The following ZNF704 variants were observed in gnomAD, a reference collection of about 807,000 sequenced individuals.
ZNF704 encodes zinc finger protein 704.
In ZNF704, 10 loss-of-function variants were observed where a neutral mutation model predicts 44.7. The observed-to-expected ratio is 0.22, with a 90% CI of 0.14 to 0.38. The LOEUF is 0.38. Among genes scored for constraint, ZNF704 ranks in the 10% least tolerant of loss-of-function variants. The pLI, the probability that ZNF704 is intolerant of heterozygous loss-of-function variation, is 1.00. For synonymous variants in ZNF704, 211 were observed against 207.6 expected, an observed-to-expected ratio of 1.02 and a Z score of -0.14; for missense variants, 390 against 545.5, an observed-to-expected ratio of 0.71 and a Z score of 2.84.
At chr8:80,731,554 T>A (rs1197003759) in intron 2 of ZNF704, among the ~76,000 whole-genome samples, 1 of 152,234 alleles carries the variant, frequency 6.6e-6, no homozygotes, top group Non-Finnish European at 1.5e-5. Context: ...ACTTTCTATA[T>A]GTATGAAAGA....
chr8:80,830,508 T>A (rs1243242137), intron 1 of ZNF704, among the ~76,000 whole-genome samples: 1 of 152,060 alleles, frequency 6.6e-6, no homozygotes, highest in East Asian at 1.9e-4. Flanking sequence ...ATGAGAGAAC[T>A]TTTTGGGGTG....
At chr8:80,880,595 A>G in the ZNF704 span, among the ~76,000 whole-genome samples, 1 of 152,316 alleles carries the variant, frequency 6.6e-6, no homozygotes, top group Admixed American at 6.5e-5. Flanking sequence ...TCTTTTGCAC[A>G]TGGTGGTATA....
rs552134092 is a variant in ZNF704, at chr8:80,776,374, T to C, written c.221+45000A>G. Among the ~76,000 whole-genome samples, 6 of 152,356 alleles carry C rather than the reference T, an allele frequency of 3.9e-5. No individual in the cohort carries two copies. In the East Asian group the frequency reaches 1.2e-3, roughly 29 times the overall value. On this transcript the variant is annotated intron_variant, in intron 2 of 8. Coordinates refer to ENST00000327835, the MANE Select transcript of ZNF704 (RefSeq NM_001033723.3). ...CATGTCTGCACCCTCTCCAGCAAGTTACTCTTATTTTTTAAAGGCAATTTT... is the reference window on the plus strand; with the variant it reads ...CATGTCTGCACCCTCTCCAGCAAGTCACTCTTATTTTTTAAAGGCAATTTT...
rs1817561050 is a variant in ZNF704, at chr8:80,630,176, A to G, written c.*11190T>C. ...TACAAAATACATGCTACTCTTTGAA[A>G]ATGCATAGTTTATAATTTTATACAT... On this transcript the variant is annotated 3_prime_UTR_variant, in exon 9 of 9. Transcript: ENST00000327835. 1 of 152,236 alleles carries G rather than the reference A, an allele frequency of 6.6e-6. No homozygotes were observed. Among genetic ancestry groups the G allele is most frequent in the African/African-American group, 2.4e-5 (1 of 41,450 alleles). The allele number at this position is 152,236 out of a possible 1,614,324, so 9.4% of individuals were successfully genotyped here. A position where few individuals can be genotyped will look rare whatever the true frequency, so the allele number is the denominator to read the frequency against.
At chr8:80,645,296 G>A in intron 7 of ZNF704, 1 of 915,608 alleles carries the variant, frequency 1.1e-6, no homozygotes, top group Non-Finnish European at 1.7e-6. Flanking sequence ...AAAAACCTAG[G>A]AGCCAACGTG....
At chr8:80,799,316 G>A (rs1411522335) in intron 2 of ZNF704, among the ~76,000 whole-genome samples, 1 of 152,170 alleles carries the variant, frequency 6.6e-6, no homozygotes, top group Non-Finnish European at 1.5e-5. Context: ...GTCATAAATT[G>A]TTTTATAATT....
chr8:80,692,141 C>T (rs1438496999), intron 3 of ZNF704, among the ~76,000 whole-genome samples: 4 of 152,174 alleles, frequency 2.6e-5, no homozygotes, highest in Admixed American at 6.5e-5. Context: ...ATGACCCCTC[C>T]TGATAGGTCT....
At chr8:80,711,630 T>C (rs368019381) in intron 2 of ZNF704, among the ~76,000 whole-genome samples, 2 of 152,062 alleles carry the variant, frequency 1.3e-5, no homozygotes, top group Non-Finnish European at 2.9e-5. Context: ...AGAACACCAG[T>C]GTGACTGTTT....
At chr8:80,668,296 G>A (rs1796417250) in intron 5 of ZNF704, among the ~76,000 whole-genome samples, 1 of 152,190 alleles carries the variant, frequency 6.6e-6, no homozygotes, top group East Asian at 1.9e-4. Flanking sequence ...AATGAGCCCT[G>A]CATAGAATCT....
chr8:80,859,374 C>T (rs1809020596), intron 1 of ZNF704, among the ~76,000 whole-genome samples: 1 of 152,126 alleles, frequency 6.6e-6, no homozygotes, highest in Non-Finnish European at 1.5e-5. Context: ...CTAATATGGC[C>T]ACTATTGGTA....
In ZNF704 at chr8:80,836,223, C is replaced by T. The variant is rs959497377; in HGVS notation, c.-21-14608G>A. ...TCCGATTTGCTCCCTCTCCTACTTCCTCTCTTCACTCTCACAGCTACCCCC... is the reference window on the plus strand; with the variant it reads ...TCCGATTTGCTCCCTCTCCTACTTCTTCTCTTCACTCTCACAGCTACCCCC... On this transcript the variant is annotated intron_variant, in intron 1 of 8. Coordinates refer to ENST00000327835, the MANE Select transcript of ZNF704 (RefSeq NM_001033723.3). Among the ~76,000 whole-genome samples the T allele has an allele frequency of 3.3e-5, 5 of 152,178 alleles. No homozygotes were observed. In the South Asian group the frequency reaches 8.3e-4, roughly 25 times the overall value.
At chr8:80,681,405 A>T (rs985386751) in intron 4 of ZNF704, among the ~76,000 whole-genome samples, 3 of 152,148 alleles carry the variant, frequency 2.0e-5, no homozygotes, top group African/African-American at 7.2e-5. Context: ...ACACTGTATA[A>T]TTCCATTTAC....
At chr8:80,657,519 C>T (rs1309351836) in intron 7 of ZNF704, among the ~76,000 whole-genome samples, 1 of 151,886 alleles carries the variant, frequency 6.6e-6, no homozygotes, top group Non-Finnish European at 1.5e-5. Flanking sequence ...ATGGGAAACC[C>T]CCGTATCTAC....
intron 2 of ZNF704, among the ~76,000 whole-genome samples, chr8:80,805,563 A>C (rs1182822354): frequency 2.0e-5 from 3 of 152,174 alleles, no homozygotes; most frequent in Non-Finnish European, 4.4e-5. Context: ...ACAAAACTAG[A>C]TATCTTTTTT....
chr8:80,665,172 T>C (rs751092982), intron 5 of ZNF704, 90 bp from the exon 6 acceptor site: 2 of 1,429,920 alleles, frequency 1.4e-6, no homozygotes, highest in Non-Finnish European at 1.9e-6. Context: ...CTGTCTGGAA[T>C]GCTTTTCCTC....
At chr8:80,699,757 T>G (rs1818780560) in intron 2 of ZNF704, among the ~76,000 whole-genome samples, 3 of 152,160 alleles carry the variant, frequency 2.0e-5, no homozygotes, top group Non-Finnish European at 4.4e-5. Flanking sequence ...TCCATTAAAC[T>G]TTGAAAAGAC....
At chr8:80,826,906 G>A (rs1466807287) in intron 1 of ZNF704, among the ~76,000 whole-genome samples, 17 of 152,056 alleles carry the variant, frequency 1.1e-4, no homozygotes. Context: ...AATAAATTAG[G>A]TATTGATGGG....
rs558775815 is a variant in ZNF704 at position 80,655,232 on chromosome 8, G to A, written c.1032+4353C>T. Among the ~76,000 whole-genome samples the A allele has an allele frequency of 3.3e-5, 5 of 152,170 alleles. No individual in the cohort carries two copies. In the East Asian group the frequency reaches 9.7e-4, roughly 29 times the overall value. Reference sequence around the variant, plus strand: ...GATAGCATTAGGAGACATATCTAATGTTAAATGAAGAGTTAATGGGTGCAG... The same window carrying A: ...GATAGCATTAGGAGACATATCTAATATTAAATGAAGAGTTAATGGGTGCAG... On this transcript the variant is annotated intron_variant, in intron 7 of 8. Transcript: ENST00000327835.
At chr8:80,702,931 A>G (rs1175461311) in intron 2 of ZNF704, among the ~76,000 whole-genome samples, 1 of 152,126 alleles carries the variant, frequency 6.6e-6, no homozygotes, top group African/African-American at 2.4e-5. Context: ...GCAAATGAGC[A>G]GGATGTCAGC....
Sources: allele counts gnomAD v4.1 joint callset (sites outside exome capture counted in the v4.1 genomes callset), GRCh38; gene constraint gnomAD v4.1.1; transcripts MANE v1.5; gene names NCBI Gene and HGNC (gene_info 2026-07-23, HGNC 2026-07-21).